TGFBR3: variants seen among roughly 807,000 people sequenced by gnomAD.
The protein encoded by TGFBR3 is transforming growth factor beta receptor type 3.
A neutral mutation model predicts 87.9 loss-of-function variants in TGFBR3; 46 were observed. That is an observed-to-expected ratio of 0.52 (90% CI 0.41 to 0.67). The LOEUF (loss-of-function observed/expected upper bound fraction) is 0.67, where lower values mean the gene tolerates loss of function less well. Among genes scored for constraint, TGFBR3 ranks in the 30% least tolerant of loss-of-function variants. TGFBR3 has a pLI of 0.00. For missense variants in TGFBR3, 866 were observed against 1,041.9 expected (o/e 0.83, Z 2.32); for synonymous variants, 381 against 391.6 (o/e 0.97, Z 0.32).
intron 2 of TGFBR3, among the ~76,000 whole-genome samples, chr1:91,849,234 C>T (rs1288596634): frequency 6.6e-6 from 1 of 152,158 alleles, no homozygotes. Flanking sequence ...TCATATCATT[C>T]TTCTGCTCAA....
intron 3 of TGFBR3, among the ~76,000 whole-genome samples, chr1:91,773,896 G>A (rs948275375): frequency 3.9e-5 from 6 of 152,202 alleles, no homozygotes; most frequent in Non-Finnish European, 5.9e-5. Context: ...GTCTTGAAAT[G>A]CTGGCTTGAA....
intron 5 of TGFBR3, among the ~76,000 whole-genome samples, chr1:91,733,042 G>T (rs1672830241): frequency 6.6e-6 from 1 of 152,186 alleles, no homozygotes; most frequent in Admixed American, 6.5e-5. Context: ...TTTATTAAAA[G>T]AAATTTTTCA....
At chr1:91,690,654 T>C (rs1331463655) in intron 16 of TGFBR3, among the ~76,000 whole-genome samples, 3 of 152,156 alleles carry the variant, frequency 2.0e-5, no homozygotes. Context: ...TGCTTTCCGG[T>C]GTCTATTTGC....
Position 91,800,330 on chromosome 1 carries a change from A to ATATGTGTGTG in TGFBR3, c.62-2860_62-2859insCACACACATA, listed in dbSNP as rs1553168326. On this transcript the variant is annotated intron_variant, in intron 2 of 16. Transcript: ENST00000212355. ...TGCATATATGTATATATATGTGTATATGTGTGTGTGTGTGTGTGTGTGTGT... is the reference window on the plus strand; with the variant it reads ...TGCATATATGTATATATATGTGTATATATGTGTGTGTGTGTGTGTGTGTGTGTGTGTGTGT... Among the ~76,000 whole-genome samples the ATATGTGTGTG allele has an allele frequency of 3.6e-3, 489 of 136,254 alleles. 2 individuals are homozygous for ATATGTGTGTG. The highest frequency in any genetic ancestry group is 0.014 in the African/African-American group (474 of 34,728). The allele number at this position is 136,254 out of a possible 152,430, so 89.4% of individuals were successfully genotyped here.
At chr1:91,804,654 C>A (rs974121490) in intron 2 of TGFBR3, among the ~76,000 whole-genome samples, 1 of 152,120 alleles carries the variant, frequency 6.6e-6, no homozygotes, top group Non-Finnish European at 1.5e-5. Context: ...CCATGGGGCC[C>A]GAGTATAGCA....
rs1357930824 is a variant in TGFBR3, at chr1:91,729,785, A to G, written c.737+20T>C. On this transcript the variant is annotated intron_variant, in intron 6 of 16. Coordinates refer to ENST00000212355, the MANE Select transcript of TGFBR3 (RefSeq NM_003243.5). ...TTTACTTTCATCTCTTGTCACACTC[A>G]CACACTTAGACTCACTTACCTGTAG... 6.2e-7 allele frequency: 1 copy of G among 1,613,878 alleles called. No homozygotes were observed. The highest frequency in any genetic ancestry group is 8.5e-7 in the Non-Finnish European group (1 of 1,179,834).
chr1:91,905,427 T>C (rs1176933148), intron 1 of TGFBR3, among the ~76,000 whole-genome samples: 1 of 152,080 alleles, frequency 6.6e-6, no homozygotes, highest in African/African-American at 2.4e-5. Flanking sequence ...CCAGTTACTT[T>C]TTGTTTTTGT....
chr1:91,865,775 G>T (rs956327541), intron 1 of TGFBR3, among the ~76,000 whole-genome samples: 1 of 151,958 alleles, frequency 6.6e-6, no homozygotes, highest in African/African-American at 2.4e-5. Context: ...AGCCGGGCGC[G>T]GTGGCAGGCA....
chr1:91,842,918 G>T (rs1449124858), intron 2 of TGFBR3, among the ~76,000 whole-genome samples: 2 of 152,084 alleles, frequency 1.3e-5, no homozygotes, highest in African/African-American at 4.8e-5. Context: ...TGGGGGGCAG[G>T]GAGAGCACTT....
intron 2 of TGFBR3, among the ~76,000 whole-genome samples, chr1:91,838,217 T>C (rs1677128857): frequency 1.3e-5 from 2 of 152,200 alleles, no homozygotes; most frequent in South Asian, 4.1e-4. Flanking sequence ...CTTTTTGTTG[T>C]TAGGATCCCT....
chr1:91,758,520 G>A (rs2100894502), intron 4 of TGFBR3, 93 bp downstream of exon 4: 2 of 1,435,170 alleles, frequency 1.4e-6, no homozygotes, highest in South Asian at 2.3e-5. Flanking sequence ...CATTATTTCA[G>A]TGAAAGTAAG....
intron 2 of TGFBR3, among the ~76,000 whole-genome samples, chr1:91,823,418 T>C (rs1344870327): frequency 1.3e-5 from 2 of 152,210 alleles, no homozygotes; most frequent in Non-Finnish European, 2.9e-5. Context: ...AAGACATGTT[T>C]ATAGAGGTTC....
intron 1 of TGFBR3, among the ~76,000 whole-genome samples, chr1:91,901,006 A>G (rs916957698): frequency 6.6e-6 from 1 of 152,194 alleles, no homozygotes; most frequent in Non-Finnish European, 1.5e-5. Context: ...GACTATAGGC[A>G]TACACCACTG....
rs919558515 is a variant in TGFBR3 at position 91,697,944 on chromosome 1, AAAAAGGG to A, written c.2329+138_2329+144del. 2.1e-5 allele frequency: 16 copies of A among 768,232 alleles called. No homozygotes were observed. The Admixed American group carries it at 2.9e-4, about 14-fold the overall frequency. The allele number at this position is 768,232 out of a possible 1,614,324, so 47.6% of individuals were successfully genotyped here. On this transcript the variant is annotated intron_variant, in intron 15 of 16. Transcript: ENST00000212355. ...ACAGAGGAAAGGAAAAAATATGAGC[AAAAAGGG>A]GAAAGGGGAAGGGGGAAGGGGGAAT... is the stretch of plus-strand genomic sequence containing the variant.
chr1:91,810,943 C>T (rs1676010691), intron 2 of TGFBR3, among the ~76,000 whole-genome samples: 1 of 152,160 alleles, frequency 6.6e-6, no homozygotes, highest in Non-Finnish European at 1.5e-5. Flanking sequence ...CATTTGAGTG[C>T]CAAACCTAGC....
chr1:91,837,516 A>G (rs1571559558), intron 2 of TGFBR3, among the ~76,000 whole-genome samples: 1 of 152,134 alleles, frequency 6.6e-6, no homozygotes, highest in Non-Finnish European at 1.5e-5. Context: ...CTGGGATTAC[A>G]TGTGTGAGCC....
intron 3 of TGFBR3, among the ~76,000 whole-genome samples, chr1:91,795,898 A>G (rs997495778): frequency 3.3e-5 from 5 of 152,174 alleles, no homozygotes; most frequent in South Asian, 4.1e-4. Context: ...TGTCTTTGAA[A>G]TGAGCCAACT....
At chr1:91,818,723 C>T (rs1235974685) in intron 2 of TGFBR3, among the ~76,000 whole-genome samples, 3 of 152,106 alleles carry the variant, frequency 2.0e-5, no homozygotes, top group East Asian at 3.9e-4. Flanking sequence ...ACACAGACCA[C>T]GTTTGTGCTT....
exon 2 of TGFBR3, chr1:91,899,647 C>G (rs1448809156): frequency 4.6e-5 from 7 of 152,228 alleles, no homozygotes; most frequent in African/African-American, 7.2e-5. Context: ...CACCAAAGAT[C>G]TACACACAAG....
Sources: allele counts gnomAD v4.1 joint callset (sites outside exome capture counted in the v4.1 genomes callset), GRCh38; gene constraint gnomAD v4.1.1; transcripts MANE v1.5; gene names NCBI Gene and HGNC (gene_info 2026-07-23, HGNC 2026-07-21).